Variants in GRIP1 observed in about 807,000 individuals in gnomAD.
GRIP1 encodes the protein glutamate receptor interacting protein 1.
A neutral mutation model predicts 129.9 loss-of-function variants in GRIP1; 45 were observed. That is an observed-to-expected ratio of 0.35 (90% CI 0.27 to 0.44). GRIP1 has a LOEUF of 0.44. Ranked by LOEUF, GRIP1 falls within the 20% of genes least tolerant of loss-of-function variation. The pLI, the probability that GRIP1 is intolerant of heterozygous loss-of-function variation, is 1.00. For synonymous variants in GRIP1, 530 were observed against 520.8 expected (o/e 1.02, Z -0.24); for missense variants, 1,196 against 1,396.8 (o/e 0.86, Z 2.29).
At chr12:66,410,118 C>T (rs11832090) in intron 15 of GRIP1, among the ~76,000 whole-genome samples, 2,153 of 148,918 alleles carry the variant, frequency 0.014, 45 homozygotes, top group African/African-American at 0.047. Context: ...GGCGTAGTGG[C>T]GGGCGCCTGT....
intron 1 of GRIP1, among the ~76,000 whole-genome samples, chr12:66,944,732 C>T (rs555115177): frequency 6.6e-6 from 1 of 152,100 alleles, no homozygotes; most frequent in Non-Finnish European, 1.5e-5. Context: ...GCTACTGGGC[C>T]ATTTCACACC....
At chr12:66,471,073 G>A (rs1033644197) in intron 7 of GRIP1, among the ~76,000 whole-genome samples, 3 of 152,206 alleles carry the variant, frequency 2.0e-5, no homozygotes, top group South Asian at 2.1e-4. Flanking sequence ...AAGCCAGAAG[G>A]CTTGAGAGCC....
intron 1 of GRIP1, among the ~76,000 whole-genome samples, chr12:66,700,694 C>A (rs1473166897): frequency 6.6e-6 from 1 of 152,050 alleles, no homozygotes; most frequent in Non-Finnish European, 1.5e-5. Context: ...GGGAGAATAT[C>A]AAGTTAGCTT....
chr12:66,966,908 C>G (rs570309029), intron 1 of GRIP1, among the ~76,000 whole-genome samples: 94 of 152,258 alleles, frequency 6.2e-4, no homozygotes, highest in Non-Finnish European at 1.0e-3. Context: ...ATAACCTACA[C>G]TTTAAGGAGT....
intron 1 of GRIP1, among the ~76,000 whole-genome samples, chr12:66,866,761 A>T (rs1285792729): frequency 1.3e-5 from 2 of 152,160 alleles, no homozygotes; most frequent in East Asian, 3.9e-4. Context: ...TAGCCACAAA[A>T]ATTTAAAAAT....
exon 1 of GRIP1, chr12:66,804,089 C>A (rs1271163267): frequency 8.8e-6 from 4 of 455,806 alleles, no homozygotes; most frequent in Non-Finnish European, 1.8e-5. Context: ...TAGACATCCT[C>A]ATAGCCCTCG....
At chr12:66,490,596 A>G (rs754039008) in intron 7 of GRIP1, among the ~76,000 whole-genome samples, 1 of 152,188 alleles carries the variant, frequency 6.6e-6, no homozygotes, top group Non-Finnish European at 1.5e-5. Context: ...AAAATACTAA[A>G]AGCAAAAATT....
At chr12:67,069,277 C>A, upstream of GRIP1, 1 of 194,454 alleles carries the variant, frequency 5.1e-6, no homozygotes, top group South Asian at 1.7e-4. Context: ...GCCGCGCGCC[C>A]CGCGCTCCCC....
At chr12:66,448,114 A>G (rs73317230) in intron 11 of GRIP1, among the ~76,000 whole-genome samples, 15 of 151,858 alleles carry the variant, frequency 9.9e-5, no homozygotes, top group African/African-American at 3.4e-4. Context: ...GTTTTTGTCA[A>G]GCTCCAGTAA....
At chr12:66,874,591 T>C (rs1169119955) in intron 1 of GRIP1, among the ~76,000 whole-genome samples, 1 of 151,984 alleles carries the variant, frequency 6.6e-6, no homozygotes, top group African/African-American at 2.4e-5. Context: ...CTTACAATCA[T>C]GGAAGAAGGC....
chr12:66,881,177 C>T (rs1276163475), intron 1 of GRIP1, among the ~76,000 whole-genome samples: 1 of 119,438 alleles, frequency 8.4e-6, no homozygotes, highest in Admixed American at 1.0e-4. Context: ...GACAGAAACG[C>T]TACAGAAAAA....
At chr12:66,475,324 T>C (rs2059571553) in intron 7 of GRIP1, among the ~76,000 whole-genome samples, 1 of 152,204 alleles carries the variant, frequency 6.6e-6, no homozygotes, top group African/African-American at 2.4e-5. Flanking sequence ...CCTAGATTCA[T>C]ACAGCAAGTC....
intron 1 of GRIP1, among the ~76,000 whole-genome samples, chr12:66,963,378 T>C (rs1222543525): frequency 6.6e-6 from 1 of 152,158 alleles, no homozygotes; most frequent in Non-Finnish European, 1.5e-5. Context: ...TGAACAATTA[T>C]TGAATGCACA....
At chr12:66,353,945 T>C (rs527488336) in intron 23 of GRIP1, among the ~76,000 whole-genome samples, 2 of 152,188 alleles carry the variant, frequency 1.3e-5, no homozygotes, top group South Asian at 2.1e-4. Context: ...TGTTGGGGAA[T>C]AAGCCAAAGG....
intron 1 of GRIP1, among the ~76,000 whole-genome samples, chr12:67,016,313 C>T (rs572786372): frequency 1.3e-5 from 2 of 152,224 alleles, no homozygotes; most frequent in South Asian, 4.1e-4. Context: ...GATAGACAGA[C>T]AACCAAATAC....
intron 1 of GRIP1, among the ~76,000 whole-genome samples, chr12:66,907,615 G>A (rs943659282): frequency 6.6e-6 from 1 of 152,068 alleles, no homozygotes; most frequent in African/African-American, 2.4e-5. Context: ...GAAGTGGGGG[G>A]TCAGCATTCC....
intron 1 of GRIP1, among the ~76,000 whole-genome samples, chr12:66,724,487 A>C (rs1372117093): frequency 6.6e-6 from 1 of 152,212 alleles, no homozygotes; most frequent in Admixed American, 6.5e-5. Context: ...ACAACATTTC[A>C]GTGAAAAGTC....
chr12:66,853,347 T>C (rs2137086371), intron 1 of GRIP1, among the ~76,000 whole-genome samples: 1 of 152,124 alleles, frequency 6.6e-6, no homozygotes, highest in East Asian at 1.9e-4. Flanking sequence ...GATATACGGC[T>C]TCATTTCTAT....
intron 1 of GRIP1, among the ~76,000 whole-genome samples, chr12:66,718,729 G>C (rs1312506306): frequency 6.6e-6 from 1 of 152,120 alleles, no homozygotes; most frequent in Non-Finnish European, 1.5e-5. Flanking sequence ...GCAGGCACCT[G>C]TAATCCCAGC....
Sources: gnomAD v4.1 joint callset for allele counts (sites outside exome capture counted in the v4.1 genomes callset) on GRCh38, gnomAD v4.1.1 for gene constraint, MANE v1.5 for transcripts, NCBI Gene and HGNC (gene_info 2026-07-23, HGNC 2026-07-21) for gene names.